Variants in PDE11A observed in about 807,000 individuals in gnomAD.
The protein encoded by PDE11A is dual 3',5'-cyclic-AMP and -GMP phosphodiesterase 11A.
Under a neutral mutation model 100.5 loss-of-function variants are expected in PDE11A, and 100 were observed. That is an observed-to-expected ratio of 1.00 (90% CI 0.85 to 1.18). The LOEUF (loss-of-function observed/expected upper bound fraction) is 1.18, where lower values mean the gene tolerates loss of function less well. PDE11A is among the 50% of genes most tolerant of loss of function. The pLI is 0.00. For synonymous variants in PDE11A, 381 were observed against 420.8 expected (o/e 0.91, Z 1.16); for missense variants, 1,141 against 1,152.6 (o/e 0.99, Z 0.15).
chr2:177,848,132 G>GTT (rs932543523), intron 5 of PDE11A, among the ~76,000 whole-genome samples: 2 of 151,350 alleles, frequency 1.3e-5, no homozygotes, highest in Non-Finnish European at 2.9e-5. Context: ...TGTTTCTAAA[G>GTT]TTTTTTTTTA....
chr2:178,021,959 T>G (rs2086418790), intron 1 of PDE11A, among the ~76,000 whole-genome samples: 1 of 151,846 alleles, frequency 6.6e-6, no homozygotes, highest in Non-Finnish European at 1.5e-5. Flanking sequence ...TGGAGGCTGA[T>G]GAGAGGGTGT....
chr2:177,811,672 G>A (rs984235077), intron 9 of PDE11A, among the ~76,000 whole-genome samples: 44 of 152,064 alleles, frequency 2.9e-4, no homozygotes, highest in Admixed American at 2.1e-3. Flanking sequence ...GTCTTTTGGG[G>A]AAGCTTTGTC....
chr2:177,856,727 G>A (rs1490527833), intron 5 of PDE11A, among the ~76,000 whole-genome samples: 1 of 151,950 alleles, frequency 6.6e-6, no homozygotes, highest in Non-Finnish European at 1.5e-5. Flanking sequence ...CTTGAAGATA[G>A]GTCAATTCAA....
chr2:177,802,586 G>A (rs2082809658), intron 9 of PDE11A, among the ~76,000 whole-genome samples: 1 of 151,952 alleles, frequency 6.6e-6, no homozygotes, highest in African/African-American at 2.4e-5. Flanking sequence ...GTTGAAAGAA[G>A]CCTTACCTAA....
chr2:178,020,223 A>G (rs2086390176), intron 1 of PDE11A, among the ~76,000 whole-genome samples: 2 of 152,122 alleles, frequency 1.3e-5, no homozygotes, highest in African/African-American at 4.8e-5. Context: ...CTGAAAATCC[A>G]CTCTGCAGTA....
Position 178,057,898 on chromosome 2 carries a change from C to G in PDE11A, c.912+13628G>C, listed in dbSNP as rs955001541. Among the ~76,000 whole-genome samples, 6 of 152,188 alleles carry G rather than the reference C, an allele frequency of 3.9e-5. No homozygotes were observed. The East Asian group carries it at 9.7e-4, about 25-fold the overall frequency. On this transcript the variant is annotated intron_variant, in intron 1 of 19. Transcript: ENST00000286063. ...TTTGAGATGGAGTCTCACTCTATCA[C>G]CCAGGCTGGAGTGCAGAGGCGTGAT...
chr2:177,828,749 G>C (rs1477618950), intron 6 of PDE11A, among the ~76,000 whole-genome samples: 2 of 152,184 alleles, frequency 1.3e-5, no homozygotes, highest in East Asian at 3.8e-4. Context: ...CATAGTATGA[G>C]TAAGGGATGG....
At chr2:177,777,450 T>A (rs919651700) in intron 9 of PDE11A, among the ~76,000 whole-genome samples, 6 of 152,214 alleles carry the variant, frequency 3.9e-5, no homozygotes, top group Non-Finnish European at 7.3e-5. Context: ...GCTCAGATAA[T>A]GACTAAAAAT....
chr2:177,995,205 G>A (rs1379183998), intron 2 of PDE11A, among the ~76,000 whole-genome samples: 6 of 152,230 alleles, frequency 3.9e-5, no homozygotes, highest in African/African-American at 9.6e-5. Flanking sequence ...CCAGAGTGGC[G>A]GGTCAATTTT....
Position 177,631,322 on chromosome 2 carries a change from A to AAAAAAAAAAAC in PDE11A, c.2647-1761_2647-1760insGTTTTTTTTTT, listed in dbSNP as rs1469522170. On this transcript the variant is annotated intron_variant, in intron 19 of 19. Transcript: ENST00000286063. ...AAAAAAAAAAAAAACAAAAAAAAAA[A>AAAAAAAAAAAC]CAACCTAGGCGTGGTGGCACATGCC... is the stretch of plus-strand genomic sequence containing the variant. Among the ~76,000 whole-genome samples the AAAAAAAAAAAC allele has an allele frequency of 3.8e-3, 64 of 16,862 alleles. 6 individuals are homozygous for AAAAAAAAAAAC. Among genetic ancestry groups the AAAAAAAAAAAC allele is most frequent in the Admixed American group, 5.4e-3 (5 of 924 alleles). 11.1% of individuals were successfully genotyped at this position (16,862 alleles called of 152,430 possible). A position where few individuals can be genotyped will look rare whatever the true frequency, so the allele number is the denominator to read the frequency against.
At chr2:177,657,691 C>G (rs7577174) in intron 19 of PDE11A, among the ~76,000 whole-genome samples, 117,076 of 151,426 alleles carry the variant, frequency 0.77, 45,919 homozygotes, top group East Asian at 0.89. Flanking sequence ...CAGAAAGAGG[C>G]GGGTGAGAGA....
In PDE11A at chr2:177,822,555, T is replaced by C. The variant is rs1320548380; in HGVS notation, c.1501-2260A>G. Among the ~76,000 whole-genome samples, 4 of 152,194 alleles carry C rather than the reference T, an allele frequency of 2.6e-5. No homozygotes were observed. In the South Asian group the frequency reaches 8.3e-4, roughly 32 times the overall value. ...CCTCCAACTTTTTCCTTCTTCAAGA[T>C]TGTCTTGACTATTTTTGACCTCTGG... On this transcript the variant is annotated intron_variant, in intron 6 of 19. Transcript: ENST00000286063.
intron 19 of PDE11A, among the ~76,000 whole-genome samples, chr2:177,634,973 A>G (rs113864561): frequency 0.013 from 1,906 of 152,216 alleles, 20 homozygotes; most frequent in South Asian, 0.045. Context: ...CTCTCCATAT[A>G]CACACGGAGG....
chr2:178,039,056 T>C (rs896677838), intron 1 of PDE11A: 4 of 152,106 alleles, frequency 2.6e-5, no homozygotes, highest in Non-Finnish European at 5.9e-5. Context: ...CATTCTACCA[T>C]AAAGGCATGC....
At chr2:177,853,140 T>TTTTG (rs971159420) in intron 5 of PDE11A, among the ~76,000 whole-genome samples, 2 of 150,938 alleles carry the variant, frequency 1.3e-5, no homozygotes, top group African/African-American at 4.9e-5. Context: ...GGGTGGTTTT[T>TTTTG]TTGTTGTTGT....
At chr2:177,768,199 C>A (rs1356330785) in intron 10 of PDE11A, among the ~76,000 whole-genome samples, 1 of 151,994 alleles carries the variant, frequency 6.6e-6, no homozygotes, top group Non-Finnish European at 1.5e-5. Context: ...TTCCTTTGCT[C>A]CCTTTCATCA....
At chr2:177,637,176 T>G (rs2080051637) in intron 19 of PDE11A, among the ~76,000 whole-genome samples, 1 of 152,254 alleles carries the variant, frequency 6.6e-6, no homozygotes, top group Non-Finnish European at 1.5e-5. Flanking sequence ...GGTACTTTTA[T>G]CATCTTCACT....
intron 10 of PDE11A, among the ~76,000 whole-genome samples, chr2:177,766,120 T>G (rs912622355): frequency 6.6e-6 from 1 of 152,090 alleles, no homozygotes; most frequent in African/African-American, 2.4e-5. Context: ...ACCAGTTTCA[T>G]GGAAGACAAT....
intron 2 of PDE11A, among the ~76,000 whole-genome samples, chr2:178,077,801 C>A (rs112571520): frequency 0.017 from 2,557 of 151,988 alleles, 72 homozygotes; most frequent in African/African-American, 0.059. Context: ...CACAGAGACA[C>A]ACAGAGGAGA....
Sources: allele counts gnomAD v4.1 joint callset (sites outside exome capture counted in the v4.1 genomes callset), GRCh38; gene constraint gnomAD v4.1.1; transcripts MANE v1.5; gene names NCBI Gene and HGNC (gene_info 2026-07-23, HGNC 2026-07-21).